ARL3: variants seen among roughly 807,000 people sequenced by gnomAD.
The protein encoded by ARL3 is ARF like GTPase 3, also known as ADP-ribosylation factor-like protein 3.
Under a neutral mutation model 26.0 loss-of-function variants are expected in ARL3, and 9 were observed. That is an observed-to-expected ratio of 0.35 (90% CI 0.21 to 0.60). ARL3 has a LOEUF of 0.60. Among genes scored for constraint, ARL3 ranks in the 20% least tolerant of loss-of-function variants. The pLI is 0.78. For synonymous variants in ARL3, 71 were observed against 78.4 expected, an observed-to-expected ratio of 0.91 and a Z score of 0.50; for missense variants, 158 against 215.7, an observed-to-expected ratio of 0.73 and a Z score of 1.67.
chr10:102,678,449 G>T (rs1386319279), intron 5 of ARL3, among the ~76,000 whole-genome samples: 3 of 152,090 alleles, frequency 2.0e-5, no homozygotes, highest in South Asian at 2.1e-4. Flanking sequence ...AGACAAAAAA[G>T]ATTTTACAAA....
At chr10:102,713,052 TA>T (rs2064354438) in intron 1 of ARL3, among the ~76,000 whole-genome samples, 1 of 145,950 alleles carries the variant, frequency 6.9e-6, no homozygotes, top group Non-Finnish European at 1.5e-5. Flanking sequence ...AACATACATC[TA>T]TTTTTTTTTT....
chr10:102,684,456 G>A (rs751787128), intron 5 of ARL3, among the ~76,000 whole-genome samples: 1 of 151,702 alleles, frequency 6.6e-6, no homozygotes, highest in Admixed American at 6.6e-5. Context: ...GCTACTCTCA[G>A]CTTTCTAAAT....
At chr10:102,702,171 G>A (rs141342881) in intron 2 of ARL3, among the ~76,000 whole-genome samples, 168 of 151,998 alleles carry the variant, frequency 1.1e-3, no homozygotes, top group Middle Eastern at 3.4e-3. Flanking sequence ...CAGCCTGGCC[G>A]ACAGAGTGAA....
intron 2 of ARL3, among the ~76,000 whole-genome samples, chr10:102,705,096 C>T (rs531681818): frequency 6.6e-6 from 1 of 152,138 alleles, no homozygotes; most frequent in African/African-American, 2.4e-5. Flanking sequence ...AACAATAACT[C>T]CCCATTCCCC....
At chr10:102,686,786 A>G (rs1392206861) in intron 4 of ARL3, among the ~76,000 whole-genome samples, 1 of 150,456 alleles carries the variant, frequency 6.6e-6, no homozygotes, top group Non-Finnish European at 1.5e-5. Context: ...TTGAACCTGT[A>G]TAAGATTCCC....
chr10:102,707,852 G>C (rs12415043), intron 1 of ARL3, among the ~76,000 whole-genome samples: 19,494 of 152,214 alleles, frequency 0.13, 1,608 homozygotes, highest in East Asian at 0.42. Flanking sequence ...TTGGGGGACA[G>C]AGATTGAATA....
intron 1 of ARL3, among the ~76,000 whole-genome samples, chr10:102,711,902 A>T (rs1043105932): frequency 9.2e-5 from 14 of 152,168 alleles, no homozygotes; most frequent in South Asian, 2.1e-4. Context: ...TTATTTTTTT[A>T]AAATAATTTT....
intron 3 of ARL3, among the ~76,000 whole-genome samples, chr10:102,694,639 G>A: frequency 6.6e-6 from 1 of 152,036 alleles, no homozygotes; most frequent in Non-Finnish European, 1.5e-5. Flanking sequence ...GAGAGAGTGG[G>A]CCATATTCAT....
intron 2 of ARL3, among the ~76,000 whole-genome samples, chr10:102,704,936 T>C (rs1195161615): frequency 6.6e-6 from 1 of 151,908 alleles, no homozygotes; most frequent in Non-Finnish European, 1.5e-5. Flanking sequence ...GTGAAGTGTG[T>C]CTGCGTACAC....
chr10:102,711,040 G>A (rs1390350813), intron 1 of ARL3, among the ~76,000 whole-genome samples: 1 of 152,200 alleles, frequency 6.6e-6, no homozygotes, highest in Non-Finnish European at 1.5e-5. Context: ...CAACAGTCAA[G>A]TACATACGGT....
At chr10:102,686,070 A>AATT in intron 4 of ARL3, 69 bp from the exon 5 acceptor site, 1 of 1,146,806 alleles carries the variant, frequency 8.7e-7, no homozygotes, top group Non-Finnish European at 1.2e-6. Context: ...ACCATACACT[A>AATT]CTTTTTTTTT....
chr10:102,714,124 C>T, intron 1 of ARL3, 149 bp downstream of exon 1: 1 of 1,025,002 alleles, frequency 9.8e-7, no homozygotes, highest in Non-Finnish European at 1.3e-6. Flanking sequence ...GTCTCCCCGC[C>T]GACCCCCGAA....
chr10:102,678,617 T>C (rs1564727930), intron 5 of ARL3, among the ~76,000 whole-genome samples: 1 of 152,240 alleles, frequency 6.6e-6, no homozygotes, highest in Non-Finnish European at 1.5e-5. Flanking sequence ...TCAAACCATC[T>C]TCTCAGAGAA....
At chr10:102,695,523 A>G (rs2064242408) in intron 3 of ARL3, among the ~76,000 whole-genome samples, 1 of 152,062 alleles carries the variant, frequency 6.6e-6, no homozygotes, top group South Asian at 2.1e-4. Flanking sequence ...GTTGATTTAA[A>G]ATTTTTTTTT....
intron 5 of ARL3, among the ~76,000 whole-genome samples, chr10:102,677,452 G>A (rs955515320): frequency 1.3e-5 from 2 of 152,192 alleles, no homozygotes; most frequent in Admixed American, 1.3e-4. Context: ...AGGGCGATGT[G>A]CATTTACTTC....
At chr10:102,697,319 C>A (rs139805226) in intron 3 of ARL3, among the ~76,000 whole-genome samples, 2,362 of 152,174 alleles carry the variant, frequency 0.016, 32 homozygotes, top group Middle Eastern at 0.041. Context: ...GCTGGGATTA[C>A]AGGCATCCAC....
chr10:102,705,257 G>A, intron 2 of ARL3, 89 bp downstream of exon 2: 2 of 1,406,326 alleles, frequency 1.4e-6, no homozygotes, highest in Non-Finnish European at 1.9e-6. Context: ...ACTTGGAAGT[G>A]GACAAAACTG....
At position 102,676,975 on chromosome 10, in the gene ARL3, A is replaced by G. The variant is rs766534021; in HGVS notation, c.502-34T>C. On this transcript the variant is annotated intron_variant, in intron 5 of 5. Transcript: ENST00000260746. Reference sequence around the variant, plus strand: ...GAAATGGGCAGAGAAAGGCAGTGTTAGTTATAAGAAAAGCACCACACACTC... The same window carrying G: ...GAAATGGGCAGAGAAAGGCAGTGTTGGTTATAAGAAAAGCACCACACACTC... 19 of 1,610,684 alleles carry G rather than the reference A, an allele frequency of 1.2e-5. No individual in the cohort carries two copies. In the Admixed American group the frequency reaches 3.2e-4, roughly 27 times the overall value.
intron 1 of ARL3, among the ~76,000 whole-genome samples, chr10:102,707,168 C>G (rs1306799600): frequency 3.9e-5 from 6 of 151,974 alleles, no homozygotes; most frequent in Non-Finnish European, 4.4e-5. Flanking sequence ...CATGGTGGCG[C>G]AGGCCTGTGG....
Sources: allele counts gnomAD v4.1 joint callset (sites outside exome capture counted in the v4.1 genomes callset), GRCh38; gene constraint gnomAD v4.1.1; transcripts MANE v1.5; gene names NCBI Gene and HGNC (gene_info 2026-07-23, HGNC 2026-07-21).